ZNF492: variants seen among roughly 807,000 people sequenced by gnomAD.
ZNF492 encodes the protein zinc finger protein 115 (Y20).
In ZNF492, 3 loss-of-function variants were observed where a neutral mutation model predicts 6.4. That is an observed-to-expected ratio of 0.47 (90% CI 0.21 to 1.22). The LOEUF is 1.22. Among genes scored for constraint, ZNF492 ranks in the 50% most tolerant of loss-of-function variants. The pLI, the probability that ZNF492 is intolerant of heterozygous loss-of-function variation, is 0.22. For missense variants in ZNF492, 356 were observed against 612.5 expected, an observed-to-expected ratio of 0.58 and a Z score of 4.42; for synonymous variants, 112 against 205.3, an observed-to-expected ratio of 0.55 and a Z score of 3.89.
intron 3 of ZNF492, among the ~76,000 whole-genome samples, chr19:22,662,616 G>A (rs952867216): frequency 6.6e-5 from 10 of 151,184 alleles, no homozygotes; most frequent in African/African-American, 2.4e-4. Flanking sequence ...ACTTTTTAAT[G>A]ATCACCATTC....
rs924254518 is a variant in ZNF492, at chr19:22,659,341, A to G, written c.131-4459A>G. Among the ~76,000 whole-genome samples, 122 of 151,160 alleles carry G rather than the reference A, an allele frequency of 8.1e-4. 1 individual carries two copies. The highest frequency in any genetic ancestry group is 2.8e-3 in the African/African-American group (113 of 40,628). On this transcript the variant is annotated intron_variant, in intron 3 of 3. Transcript: ENST00000456783. ...GAAAATGTTGTATTAGCTATTGAGAACCATGTGTGTCCTGGTGTTGAGGGG... is the reference window on the plus strand; with the variant it reads ...GAAAATGTTGTATTAGCTATTGAGAGCCATGTGTGTCCTGGTGTTGAGGGG...
At chr19:22,637,294 T>G (rs574986279) in intron 1 of ZNF492, among the ~76,000 whole-genome samples, 58 of 152,048 alleles carry the variant, frequency 3.8e-4, no homozygotes, top group Middle Eastern at 3.4e-3. Flanking sequence ...TTTATTTTAT[T>G]TTATTTTATT....
chr19:22,637,223 TG>T (rs1483136175), intron 1 of ZNF492, among the ~76,000 whole-genome samples: 1 of 152,038 alleles, frequency 6.6e-6, no homozygotes, highest in African/African-American at 2.4e-5. Context: ...GTGATCTGCC[TG>T]TCTTGGTCTC....
rs1252582690 is a variant in ZNF492, at chr19:22,665,927, A to C, written c.*662A>C. ...CACTTCAGACTTTACACTGAATCAGAGTTCTGAGTTTAGAAAGTAATCCAA... is the reference window on the plus strand; with the variant it reads ...CACTTCAGACTTTACACTGAATCAGCGTTCTGAGTTTAGAAAGTAATCCAA... On this transcript the variant is annotated 3_prime_UTR_variant, in exon 4 of 4. Coordinates refer to ENST00000456783, the MANE Select transcript of ZNF492 (RefSeq NM_020855.3). The C allele has an allele frequency of 2.0e-5, 3 of 152,200 alleles. No homozygotes were observed. The highest frequency in any genetic ancestry group is 4.4e-5 in the Non-Finnish European group (3 of 68,046). 9.4% of individuals were successfully genotyped at this position (152,200 alleles called of 1,614,324 possible). A position where few individuals can be genotyped will look rare whatever the true frequency, so the allele number is the denominator to read the frequency against.
chr19:22,658,682 T>A (rs539329575), intron 3 of ZNF492, among the ~76,000 whole-genome samples: 2 of 141,156 alleles, frequency 1.4e-5, no homozygotes, highest in South Asian at 4.4e-4. Flanking sequence ...TCAAACTGAG[T>A]AATATATTGG....
chr19:22,660,869 G>A (rs1448374532), intron 3 of ZNF492, among the ~76,000 whole-genome samples: 2 of 146,934 alleles, frequency 1.4e-5, no homozygotes, highest in Admixed American at 1.4e-4. Flanking sequence ...TTCTTTTTAT[G>A]TGGCAGGACA....
chr19:22,659,561 T>TACACACAC (rs569041771), intron 3 of ZNF492, among the ~76,000 whole-genome samples: 9,332 of 137,858 alleles, frequency 0.068, 318 homozygotes, highest in Admixed American at 0.075. Context: ...TAATGTGAGA[T>TACACACAC]ACACACACAC....
At chr19:22,661,031 C>T (rs1271365035) in intron 3 of ZNF492, among the ~76,000 whole-genome samples, 3 of 151,368 alleles carry the variant, frequency 2.0e-5, no homozygotes, top group South Asian at 2.1e-4. Context: ...TGACACATTA[C>T]TTTTACCTTG....
At chr19:22,650,074 T>C (rs1971924030) in intron 1 of ZNF492, among the ~76,000 whole-genome samples, 1 of 152,210 alleles carries the variant, frequency 6.6e-6, no homozygotes, top group Admixed American at 6.5e-5. Flanking sequence ...CTCATCTTCA[T>C]GAGTTTGTCT....
intron 3 of ZNF492, among the ~76,000 whole-genome samples, chr19:22,657,067 T>C (rs1972003520): frequency 3.3e-5 from 5 of 152,306 alleles, no homozygotes; most frequent in African/African-American, 1.2e-4. Flanking sequence ...TTCCTGTCCA[T>C]TTTTACTTTC....
In ZNF492 at chr19:22,634,853, C is replaced by CT. The variant is rs372579848; in HGVS notation, c.-94+380dup. Among the ~76,000 whole-genome samples, 87 of 152,166 alleles carry CT rather than the reference C, an allele frequency of 5.7e-4. 1 individual carries two copies. Among genetic ancestry groups the CT allele is most frequent in the African/African-American group, 1.9e-3 (78 of 41,532 alleles). ...AGCTTTGGTTTGGTTTATGGGGTTC[C>CT]TAGTTCCTCTTTTCTTCTATTAAAA... On this transcript the variant is annotated intron_variant, in intron 1 of 3. Transcript: ENST00000456783.
intron 3 of ZNF492, among the ~76,000 whole-genome samples, chr19:22,654,284 A>G (rs1353364412): frequency 1.3e-5 from 2 of 152,142 alleles, no homozygotes; most frequent in Non-Finnish European, 2.9e-5. Context: ...CACATAAGAG[A>G]CTGTGAAATC....
At position 22,665,554 on chromosome 19, in the gene ZNF492, T is replaced by A; in HGVS notation, c.*289T>A. 2.4e-6 allele frequency: 1 copy of A among 416,864 alleles called. No homozygotes were observed. The highest frequency in any genetic ancestry group is 4.0e-6 in the Non-Finnish European group (1 of 248,260). The allele number at this position is 416,864 out of a possible 1,614,324, so 25.8% of individuals were successfully genotyped here. A position where few individuals can be genotyped will look rare whatever the true frequency, so the allele number is the denominator to read the frequency against. On this transcript the variant is annotated 3_prime_UTR_variant, in exon 4 of 4. Transcript: ENST00000456783. Reference sequence around the variant, plus strand: ...CAAAAGAGTTCAAAAAATAAGCATTTAAAGTGCTGAAGAGGATTTATTTTG... The same window carrying A: ...CAAAAGAGTTCAAAAAATAAGCATTAAAAGTGCTGAAGAGGATTTATTTTG...
In ZNF492 at chr19:22,665,351, A is replaced by G; in HGVS notation, c.*86A>G. ...ATTCATTCTGGAGAAAACTTCTACA[A>G]GTGTGAATGAACAGTGTGGCAAAAC... is the stretch of plus-strand genomic sequence containing the variant. On this transcript the variant is annotated 3_prime_UTR_variant, in exon 4 of 4. Coordinates refer to ENST00000456783, the MANE Select transcript of ZNF492 (RefSeq NM_020855.3). 6.7e-7 allele frequency: 1 copy of G among 1,499,924 alleles called. No individual in the cohort carries two copies. Among genetic ancestry groups the G allele is most frequent in the Non-Finnish European group, 8.9e-7 (1 of 1,125,146 alleles). 92.9% of individuals were successfully genotyped at this position (1,499,924 alleles called of 1,614,324 possible). A position where few individuals can be genotyped will look rare whatever the true frequency, so the allele number is the denominator to read the frequency against.
At chr19:22,643,018 C>A (rs1206954075) in intron 1 of ZNF492, among the ~76,000 whole-genome samples, 1 of 152,154 alleles carries the variant, frequency 6.6e-6, no homozygotes, top group Non-Finnish European at 1.5e-5. Context: ...AATCCCAGTG[C>A]TTTGGGAGGC....
rs1972121221 is a variant in ZNF492 at position 22,665,951 on chromosome 19, A to C, written c.*686A>C. ...GAGTTCTGAGTTTAGAAAGTAATCCAAAACTAAACTTGGCAGAAAAATTAT... is the reference window on the plus strand; with the variant it reads ...GAGTTCTGAGTTTAGAAAGTAATCCCAAACTAAACTTGGCAGAAAAATTAT... On this transcript the variant is annotated 3_prime_UTR_variant, in exon 4 of 4. Coordinates refer to ENST00000456783, the MANE Select transcript of ZNF492 (RefSeq NM_020855.3). The C allele has an allele frequency of 6.6e-6, 1 of 152,200 alleles. No homozygotes were observed. Among genetic ancestry groups the C allele is most frequent in the Non-Finnish European group, 1.5e-5 (1 of 68,026 alleles). The allele number at this position is 152,200 out of a possible 1,614,324, so 9.4% of individuals were successfully genotyped here. A position where few individuals can be genotyped will look rare whatever the true frequency, so the allele number is the denominator to read the frequency against.
intron 1 of ZNF492, among the ~76,000 whole-genome samples, chr19:22,646,180 G>A (rs1568353334): frequency 6.6e-6 from 1 of 152,168 alleles, no homozygotes; most frequent in Non-Finnish European, 1.5e-5. Flanking sequence ...ATTTGATTGT[G>A]TGCTCTCTTA....
intron 3 of ZNF492, among the ~76,000 whole-genome samples, chr19:22,655,810 C>CTTTT (rs1568355644): frequency 7.2e-4 from 43 of 59,358 alleles, no homozygotes; most frequent in African/African-American, 3.1e-3. Flanking sequence ...TCAAGTTTTT[C>CTTTT]TTGTTGTTTT....
chr19:22,653,386 T>G lies in ZNF492; in HGVS notation c.-14T>G. ...TGCCTGGACACCGCACAGCAGAATTTATATAGGAATGTGATGTTAGAGAAC... is the reference window on the plus strand; with the variant it reads ...TGCCTGGACACCGCACAGCAGAATTGATATAGGAATGTGATGTTAGAGAAC... On this transcript the variant is annotated 5_prime_UTR_variant, in exon 2 of 4. Transcript: ENST00000456783. 1.2e-6 allele frequency: 2 copies of G among 1,613,974 alleles called. No individual in the cohort carries two copies. The highest frequency in any genetic ancestry group is 2.7e-5 in the African/African-American group (2 of 74,900).
Sources: allele counts gnomAD v4.1 joint callset (sites outside exome capture counted in the v4.1 genomes callset), GRCh38; gene constraint gnomAD v4.1.1; transcripts MANE v1.5; gene names NCBI Gene and HGNC (gene_info 2026-07-23, HGNC 2026-07-21).